DDX50: variants seen among roughly 807,000 people sequenced by gnomAD.
The protein encoded by DDX50 is ATP-dependent RNA helicase DDX50.
Under a neutral mutation model 94.8 loss-of-function variants are expected in DDX50, and 56 were observed. The observed-to-expected ratio is 0.59, with a 90% confidence interval of 0.48 to 0.74. The LOEUF (loss-of-function observed/expected upper bound fraction) is 0.74, where lower values mean the gene tolerates loss of function less well. Among genes scored for constraint, DDX50 ranks in the 30% least tolerant of loss-of-function variants. DDX50 has a pLI of 0.00. For missense variants in DDX50, 713 were observed against 881.2 expected (o/e 0.81, Z 2.42); for synonymous variants, 264 against 295.4 (o/e 0.89, Z 1.09).
At chr10:68,929,309 C>T (rs1014755154) in intron 8 of DDX50, among the ~76,000 whole-genome samples, 8 of 141,842 alleles carry the variant, frequency 5.6e-5, no homozygotes, top group South Asian at 4.3e-4. Context: ...CTCTCTCTCT[C>T]TCTCTTTCTT....
chr10:68,912,735 G>A (rs1045615848), intron 4 of DDX50, among the ~76,000 whole-genome samples: 6 of 152,144 alleles, frequency 3.9e-5, no homozygotes, highest in Non-Finnish European at 7.3e-5. Context: ...ACATTCATTC[G>A]TTTAACATTT....
intron 2 of DDX50, among the ~76,000 whole-genome samples, chr10:68,907,872 T>C (rs1231129738): frequency 6.6e-6 from 1 of 152,212 alleles, no homozygotes; most frequent in African/African-American, 2.4e-5. Context: ...TGGTAAAATC[T>C]GTATTATAAT....
intron 8 of DDX50, among the ~76,000 whole-genome samples, chr10:68,929,293 C>CTTCCTTCCTT (rs374759643): frequency 1.7e-5 from 2 of 120,020 alleles, no homozygotes; most frequent in Non-Finnish European, 3.7e-5. Flanking sequence ...TCCTTCCTTC[C>CTTCCTTCCTT]TCTCTCTCTC....
At chr10:68,922,272 T>C (rs1841960038) in intron 8 of DDX50, among the ~76,000 whole-genome samples, 1 of 152,148 alleles carries the variant, frequency 6.6e-6, no homozygotes, top group African/African-American at 2.4e-5. Flanking sequence ...TCATGGCACT[T>C]GATAGCTTTG....
intron 1 of DDX50, among the ~76,000 whole-genome samples, chr10:68,905,174 C>G (rs986507961): frequency 6.6e-6 from 1 of 152,190 alleles, no homozygotes; most frequent in Non-Finnish European, 1.5e-5. Flanking sequence ...ACCTCGCCCC[C>G]CCAGAGTGCT....
intron 6 of DDX50, 93 bp downstream of exon 6, chr10:68,913,669 C>A: frequency 7.3e-6 from 9 of 1,241,102 alleles, no homozygotes; most frequent in East Asian, 2.5e-5. Flanking sequence ...TGCAGTGTCC[C>A]CTGCGTTCTA....
At chr10:68,930,114 C>CTTTTTTTTT (rs34023657) in intron 8 of DDX50, among the ~76,000 whole-genome samples, 1 of 99,774 alleles carries the variant, frequency 1.0e-5, no homozygotes, top group Non-Finnish European at 1.9e-5. Flanking sequence ...CTTTCCTTTC[C>CTTTTTTTTT]TTTTTTTTTT....
chr10:68,903,662 A>G (rs1841355780), intron 1 of DDX50, among the ~76,000 whole-genome samples: 1 of 151,802 alleles, frequency 6.6e-6, no homozygotes. Flanking sequence ...TTAGCTGGGC[A>G]TGGTGGCACA....
chr10:68,936,871 AT>A, intron 11 of DDX50, 64 bp from the exon 12 acceptor site: 1 of 1,469,544 alleles, frequency 6.8e-7, no homozygotes, highest in Non-Finnish European at 9.1e-7. Context: ...TCTTTTTCCC[AT>A]TTTTCTTCTT....
At chr10:68,914,456 GTTTC>G (rs1487628144) in intron 7 of DDX50, among the ~76,000 whole-genome samples, 3 of 152,080 alleles carry the variant, frequency 2.0e-5, no homozygotes, top group Admixed American at 6.6e-5. Context: ...GATTTGAAGT[GTTTC>G]TTTCTTTCTC....
In DDX50 at chr10:68,906,803, G is replaced by T. The variant is rs1841458296; in HGVS notation, c.180G>T (p.Lys60Asn). Residue 60 changes from lysine (K) to asparagine (N), a missense_variant, in exon 2 of 15, where the codon AAG (lysine) becomes AAT (asparagine). Coordinates refer to ENST00000373585, the MANE Select transcript of DDX50 (RefSeq NM_024045.2). ...TTACAGATGACCTGGATGCTCCCAA[G>T]GCCAAAAAATCTAAAATGAAAGAGA... is the stretch of plus-strand genomic sequence containing the variant. ...NGVTDDLDAP[K>N]AKKSKMKEKL... The T allele has an allele frequency of 6.2e-7, 1 of 1,613,532 alleles. No homozygotes were observed. The highest frequency in any genetic ancestry group is 1.3e-5 in the African/African-American group (1 of 74,928).
chr10:68,914,532 C>T (rs747785879), intron 7 of DDX50, among the ~76,000 whole-genome samples: 3 of 151,682 alleles, frequency 2.0e-5, no homozygotes, highest in Non-Finnish European at 2.9e-5. Flanking sequence ...ACAAAGAAGG[C>T]GATTTATATT....
rs140510635 is a variant in DDX50 at position 68,920,673 on chromosome 10, C to T, written c.1239+692C>T. Among the ~76,000 whole-genome samples the T allele has an allele frequency of 5.9e-4, 89 of 151,782 alleles. 4 individuals carry two copies. The East Asian group carries it at 0.016, about 27-fold the overall frequency. On this transcript the variant is annotated intron_variant, in intron 8 of 14. Transcript: ENST00000373585. Reference sequence around the variant, plus strand: ...TTAAAAAATATCTTTTGGCTGGGCACGGTAGCTCATGGCTGTAATCCCAGC... The same window carrying T: ...TTAAAAAATATCTTTTGGCTGGGCATGGTAGCTCATGGCTGTAATCCCAGC...
At chr10:68,937,520 C>A (rs917303740) in intron 12 of DDX50, among the ~76,000 whole-genome samples, 18 of 151,372 alleles carry the variant, frequency 1.2e-4, no homozygotes, top group African/African-American at 1.7e-4. Context: ...ATCGTCTAAA[C>A]ATTTATCATT....
At chr10:68,929,300 T>TTCCTTC (rs1564612627) in intron 8 of DDX50, among the ~76,000 whole-genome samples, 231 of 89,872 alleles carry the variant, frequency 2.6e-3, no homozygotes, top group African/African-American at 3.7e-3. Context: ...TTCCTCTCTC[T>TTCCTTC]CTCTCTCTCT....
At chr10:68,921,192 AAT>A (rs1841930872) in intron 8 of DDX50, among the ~76,000 whole-genome samples, 1 of 151,956 alleles carries the variant, frequency 6.6e-6, no homozygotes, top group South Asian at 2.1e-4. Flanking sequence ...CAAAAAAAAA[AAT>A]AACAATACTG....
intron 12 of DDX50, among the ~76,000 whole-genome samples, chr10:68,939,359 A>G (rs1213950368): frequency 1.3e-5 from 2 of 152,194 alleles, no homozygotes; most frequent in African/African-American, 4.8e-5. Flanking sequence ...CTCAACTCTC[A>G]TCCAATGAAG....
chr10:68,943,175 C>A (rs541987885), intron 13 of DDX50, 38 bp from the exon 14 acceptor site: 10 of 1,590,716 alleles, frequency 6.3e-6, no homozygotes, highest in Non-Finnish European at 8.6e-6. Flanking sequence ...TACACATATG[C>A]ATCTAATTTA....
At chr10:68,902,737 T>G (rs983162773) in intron 1 of DDX50, among the ~76,000 whole-genome samples, 3 of 152,218 alleles carry the variant, frequency 2.0e-5, no homozygotes, top group Non-Finnish European at 4.4e-5. Flanking sequence ...AAAAAAGGCT[T>G]CTTTTGAAAT....
Sources: gnomAD v4.1 joint callset for allele counts (sites outside exome capture counted in the v4.1 genomes callset) on GRCh38, gnomAD v4.1.1 for gene constraint, MANE v1.5 for transcripts, NCBI Gene and HGNC (gene_info 2026-07-23, HGNC 2026-07-21) for gene names.